AFAP1L2: variants seen among roughly 807,000 people sequenced by gnomAD.
AFAP1L2 encodes actin filament associated protein 1 like 2, also known as actin filament-associated protein 1-like 2.
A neutral mutation model predicts 99.3 loss-of-function variants in AFAP1L2; 46 were observed. The ratio of observed to expected loss-of-function variants is 0.46; its 90% CI spans 0.37 to 0.59. AFAP1L2 has a LOEUF of 0.59. Among genes scored for constraint, AFAP1L2 ranks in the 20% least tolerant of loss-of-function variants. AFAP1L2 has a pLI of 0.00. For synonymous variants in AFAP1L2, 397 were observed against 419.1 expected (o/e 0.95, Z 0.64); for missense variants, 959 against 1,034.9 (o/e 0.93, Z 1.01).
chr10:114,355,259 T>C (rs75766992), intron 1 of AFAP1L2, among the ~76,000 whole-genome samples: 8 of 147,888 alleles, frequency 5.4e-5, no homozygotes, highest in South Asian at 2.1e-4. Context: ...GCTCTCTCTT[T>C]TTTTTTTTTT....
intron 1 of AFAP1L2, among the ~76,000 whole-genome samples, chr10:114,371,526 T>G (rs1230413031): frequency 6.6e-6 from 1 of 152,144 alleles, no homozygotes; most frequent in Non-Finnish European, 1.5e-5. Context: ...ACTTTTTCTT[T>G]TTTTAAAAAA....
At chr10:114,302,287 C>T in intron 12 of AFAP1L2, 52 bp downstream of exon 12, 2 of 1,611,700 alleles carry the variant, frequency 1.2e-6, no homozygotes, top group Non-Finnish European at 1.7e-6. Flanking sequence ...CCAGGGCCTA[C>T]AGCATGGCCA....
chr10:114,351,814 C>G (rs2050544856), intron 1 of AFAP1L2, among the ~76,000 whole-genome samples: 1 of 152,182 alleles, frequency 6.6e-6, no homozygotes. Flanking sequence ...CTTGATCTTG[C>G]AAGAAGCAGC....
In AFAP1L2 at chr10:114,302,116, G is replaced by T. The variant is rs367979424; in HGVS notation, c.1430+223C>A. 2.6e-4 allele frequency: 150 copies of T among 585,596 alleles called. No homozygotes were observed. In the African/African-American group the frequency reaches 2.6e-3, roughly 10 times the overall value. 36.3% of individuals were successfully genotyped at this position (585,596 alleles called of 1,614,324 possible). A position where few individuals can be genotyped will look rare whatever the true frequency, so the allele number is the denominator to read the frequency against. On this transcript the variant is annotated intron_variant, in intron 12 of 18. Coordinates refer to ENST00000304129, the MANE Select transcript of AFAP1L2 (RefSeq NM_001001936.3). ...AACTGCCTCTGAGGATGCCAAAGCT[G>T]CCCCCGGGGCCCGAAGCCTGGCTCG...
intron 1 of AFAP1L2, among the ~76,000 whole-genome samples, chr10:114,367,592 A>G (rs1401161509): frequency 6.6e-6 from 1 of 152,216 alleles, no homozygotes; most frequent in African/African-American, 2.4e-5. Context: ...GCAGCTGATA[A>G]CAGGGGACTG....
At chr10:114,319,569 G>T in intron 5 of AFAP1L2, 1 of 1,289,650 alleles carries the variant, frequency 7.8e-7, no homozygotes, top group Non-Finnish European at 1.0e-6. Flanking sequence ...TACCCAAGGT[G>T]ATCGTGGCAT....
At chr10:114,400,062 C>A (rs74160405) in intron 1 of AFAP1L2, among the ~76,000 whole-genome samples, 3,208 of 152,356 alleles carry the variant, frequency 0.021, 112 homozygotes, top group African/African-American at 0.074. Flanking sequence ...TGCACCATGA[C>A]TGCCTTCATG....
chr10:114,289,479 G>A, the AFAP1L2 span: 2 of 1,614,186 alleles, frequency 1.2e-6, no homozygotes. Context: ...TCATTGAGTG[G>A]CTGTGTGGAG....
intron 1 of AFAP1L2, among the ~76,000 whole-genome samples, chr10:114,384,827 C>T (rs1430189018): frequency 1.3e-5 from 2 of 152,234 alleles, no homozygotes; most frequent in African/African-American, 4.8e-5. Flanking sequence ...GGCCCACACA[C>T]TCAGTGGGGA....
chr10:114,361,126 G>A (rs573231091), intron 1 of AFAP1L2, among the ~76,000 whole-genome samples: 17 of 152,144 alleles, frequency 1.1e-4, no homozygotes, highest in East Asian at 1.9e-4. Flanking sequence ...ATCAAATCTC[G>A]TGAGACTTAC....
chr10:114,295,694 A>G lies in AFAP1L2; in HGVS notation c.*348T>C. 5 of 1,048,822 alleles carry G rather than the reference A, an allele frequency of 4.8e-6. No individual in the cohort carries two copies. Among genetic ancestry groups the G allele is most frequent in the South Asian group, 3.7e-5 (1 of 27,242 alleles). 65.0% of individuals were successfully genotyped at this position (1,048,822 alleles called of 1,614,324 possible). ...AGACAGGGCCCTGCTTCCTTGATTC[A>G]TCTTCCACCAAAGTCTAAACAGGAG... On this transcript the variant is annotated 3_prime_UTR_variant, in exon 19 of 19. Transcript: ENST00000304129.
intron 15 of AFAP1L2, 50 bp downstream of exon 15, chr10:114,300,144 A>G: frequency 6.2e-7 from 1 of 1,612,638 alleles, no homozygotes; most frequent in Non-Finnish European, 8.5e-7. Flanking sequence ...CCTCTAGAGA[A>G]CCCTGACTAA....
rs993217322 is a variant in AFAP1L2, at chr10:114,363,093, C to T, written c.17-22362G>A. Reference sequence around the variant, plus strand: ...CCCCTCACTTGGTGACAGTGGGATCCGAGCCTCTCAGCACTGGGCGTCGTC... The same window carrying T: ...CCCCTCACTTGGTGACAGTGGGATCTGAGCCTCTCAGCACTGGGCGTCGTC... On this transcript the variant is annotated intron_variant, in intron 1 of 18. Coordinates refer to ENST00000304129, the MANE Select transcript of AFAP1L2 (RefSeq NM_001001936.3). 13 of 985,244 alleles carry T rather than the reference C, an allele frequency of 1.3e-5. No individual in the cohort carries two copies. The Admixed American group carries it at 1.8e-4, about 14-fold the overall frequency. 61.0% of individuals were successfully genotyped at this position (985,244 alleles called of 1,614,324 possible). A position where few individuals can be genotyped will look rare whatever the true frequency, so the allele number is the denominator to read the frequency against.
intron 12 of AFAP1L2, chr10:114,301,700 G>GC: frequency 1.8e-6 from 1 of 550,662 alleles, no homozygotes; most frequent in South Asian, 2.2e-5. Context: ...AGCTTCCCTT[G>GC]CCCATACGCC....
At chr10:114,294,746 G>T, downstream of AFAP1L2, 1 of 857,094 alleles carries the variant, frequency 1.2e-6, no homozygotes, top group Non-Finnish European at 1.4e-6. Flanking sequence ...GTAGTTCAGT[G>T]TGTAAATAAC....
At chr10:114,305,957 CA>C (rs1243409628) in intron 10 of AFAP1L2, among the ~76,000 whole-genome samples, 5 of 43,680 alleles carry the variant, frequency 1.1e-4, no homozygotes, top group Admixed American at 3.6e-4. Flanking sequence ...GATGCAGATG[CA>C]GGGGGGGTGC....
intron 1 of AFAP1L2, among the ~76,000 whole-genome samples, chr10:114,364,184 CT>C (rs1447494027): frequency 6.6e-6 from 1 of 152,210 alleles, no homozygotes; most frequent in Non-Finnish European, 1.5e-5. Context: ...GGGTCTGCCC[CT>C]GGGCTCCTGC....
rs746257840 is a variant in AFAP1L2 at position 114,304,744 on chromosome 10, T to C, written c.1259A>G (p.Lys420Arg). The C allele has an allele frequency of 5.0e-6, 8 of 1,610,686 alleles. No homozygotes were observed. In the African/African-American group the frequency reaches 1.1e-4, roughly 22 times the overall value. ...CTCAAGCTTGGCCAGCTCCTCGCCCTTGTGGAGGATGCGGAAGGAGTAGAG... is the reference window on the plus strand; with the variant it reads ...CTCAAGCTTGGCCAGCTCCTCGCCCCTGTGGAGGATGCGGAAGGAGTAGAG... ...DHLYSFRILHKGEELAKLEAK... is the reference protein window; with the variant it reads ...DHLYSFRILHRGEELAKLEAK... The change falls in exon 11 of 19, where the codon AAG becomes AGG. Residue 420 changes from lysine (K) to arginine (R), a missense_variant. Coordinates refer to ENST00000304129, the MANE Select transcript of AFAP1L2 (RefSeq NM_001001936.3).
rs1475600640 is a variant in AFAP1L2, at chr10:114,295,834, C to CAA, written c.*206_*207dup. 2 of 1,395,924 alleles carry CAA rather than the reference C, an allele frequency of 1.4e-6. No homozygotes were observed. Among genetic ancestry groups the CAA allele is most frequent in the Admixed American group, 6.1e-5 (2 of 32,532 alleles). The allele number at this position is 1,395,924 out of a possible 1,614,324, so 86.5% of individuals were successfully genotyped here. A position where few individuals can be genotyped will look rare whatever the true frequency, so the allele number is the denominator to read the frequency against. Reference sequence around the variant, plus strand: ...TTTACATCCAATAGACTTAGGTCTCCAAAGAAGCCTCCTTTTTGTTGTATT... The same window carrying CAA: ...TTTACATCCAATAGACTTAGGTCTCCAAAAAGAAGCCTCCTTTTTGTTGTATT... On this transcript the variant is annotated 3_prime_UTR_variant, in exon 19 of 19. Transcript: ENST00000304129.
Sources: allele counts gnomAD v4.1 joint callset (sites outside exome capture counted in the v4.1 genomes callset), GRCh38; gene constraint gnomAD v4.1.1; transcripts MANE v1.5; gene names NCBI Gene and HGNC (gene_info 2026-07-23, HGNC 2026-07-21).